NWD1: variants seen among roughly 807,000 people sequenced by gnomAD.
NWD1 encodes the protein NACHT and WD repeat domain containing 1, also known as NACHT domain- and WD repeat-containing protein 1.
A neutral mutation model predicts 135.1 loss-of-function variants in NWD1; 129 were observed. The ratio of observed to expected loss-of-function variants is 0.96; its 90% CI spans 0.83 to 1.11. The LOEUF is 1.11. Ranked by LOEUF, NWD1 falls within the 50% of genes least tolerant of loss-of-function variation. The pLI, the probability that NWD1 is intolerant of heterozygous loss-of-function variation, is 0.00. For synonymous variants in NWD1, 773 were observed against 786.0 expected (o/e 0.98, Z 0.28); for missense variants, 1,740 against 1,851.3 (o/e 0.94, Z 1.10).
intron 2 of NWD1, chr19:16,727,486 G>C (rs1247571943): frequency 6.6e-6 from 1 of 152,656 alleles, no homozygotes; most frequent in Admixed American, 6.6e-5. Flanking sequence ...AGGCTGCCTG[G>C]CTGCTGGCGT....
In NWD1 at chr19:16,791,945, C is replaced by T. The variant is rs149360296; in HGVS notation, c.3213+323C>T. 4.4e-3 allele frequency among the ~76,000 whole-genome samples: 669 copies of T among 152,244 alleles called. 4 individuals carry two copies. Among genetic ancestry groups the T allele is most frequent in the Middle Eastern group, 0.017 (5 of 294 alleles). ...GTCAGGCTGGTCTCAAACTCCCAAC[C>T]TCAGATGATCTGCCCACCTCGGCCT... On this transcript the variant is annotated intron_variant, in intron 14 of 18. Transcript: ENST00000524140.
intron 4 of NWD1, among the ~76,000 whole-genome samples, chr19:16,738,010 G>GAA (rs751600150): frequency 6.6e-6 from 1 of 151,618 alleles, no homozygotes; most frequent in Non-Finnish European, 1.5e-5. Flanking sequence ...GAAAAGAAAA[G>GAA]AAATTCTAGA....
intron 16 of NWD1, among the ~76,000 whole-genome samples, chr19:16,798,950 A>C (rs1460148318): frequency 6.6e-5 from 10 of 151,592 alleles, no homozygotes; most frequent in African/African-American, 2.2e-4. Context: ...AAAAAAAAAA[A>C]AACATTAAAA....
At position 16,726,081 on chromosome 19, in the gene NWD1, G is replaced by A. The variant is rs151112847; in HGVS notation, c.-7+1618G>A. On this transcript the variant is annotated intron_variant, in intron 2 of 18. Transcript: ENST00000524140. ...AGGTTCAAGTGATTCTCCTGCCTCA[G>A]CCTCCGGAGTAGCTAGGATTACAGG... is the stretch of plus-strand genomic sequence containing the variant. Among the ~76,000 whole-genome samples, 977 of 151,930 alleles carry A rather than the reference G, an allele frequency of 6.4e-3. 11 individuals are homozygous for A. The highest frequency in any genetic ancestry group is 0.022 in the African/African-American group (922 of 41,442).
chr19:16,791,657 A>G, intron 14 of NWD1, 35 bp downstream of exon 14: 4 of 1,600,804 alleles, frequency 2.5e-6, no homozygotes, highest in Non-Finnish European at 3.4e-6. Flanking sequence ...GTGAACATTA[A>G]CTCAGCTTGA....
At chr19:16,797,691 T>C (rs768579123) in intron 15 of NWD1, 41 bp from the exon 16 acceptor site, 3 of 1,590,076 alleles carry the variant, frequency 1.9e-6, no homozygotes, top group South Asian at 1.1e-5. Context: ...CTCAATCTCC[T>C]CTGGACATGA....
chr19:16,731,562 C>T (rs1967568671), intron 3 of NWD1, among the ~76,000 whole-genome samples: 1 of 150,654 alleles, frequency 6.6e-6, no homozygotes. Context: ...GCCTCGGCCT[C>T]CCAAAATGCT....
At chr19:16,769,612 A>G (rs1969345977) in intron 10 of NWD1, among the ~76,000 whole-genome samples, 1 of 151,950 alleles carries the variant, frequency 6.6e-6, no homozygotes, top group Admixed American at 6.6e-5. Flanking sequence ...CTCCATCCTT[A>G]CTGCCCCAGA....
chr19:16,800,753 A>AAG (rs1970580316), intron 17 of NWD1, among the ~76,000 whole-genome samples: 1 of 152,046 alleles, frequency 6.6e-6, no homozygotes, highest in Non-Finnish European at 1.5e-5. Context: ...CACTAATCCT[A>AAG]TTCAGGAACG....
intron 17 of NWD1, among the ~76,000 whole-genome samples, chr19:16,800,781 A>C (rs1970581098): frequency 6.6e-6 from 1 of 152,066 alleles, no homozygotes; most frequent in Admixed American, 6.6e-5. Flanking sequence ...TTCATGATCT[A>C]ATCACTTCCC....
rs545347859 is a variant in NWD1, at chr19:16,779,850, G to T, written c.2731+385G>T. The stretch of plus-strand genomic sequence containing the variant: ...GGGGTCTTGCTATGTTGCCCAGGCT[G>T]GTCTGAAACTCTTGGGCTCAAGTGA... On this transcript the variant is annotated intron_variant, in intron 12 of 18. Coordinates refer to ENST00000524140, the MANE Select transcript of NWD1 (RefSeq NM_001007525.5). 3.6e-3 allele frequency among the ~76,000 whole-genome samples: 544 copies of T among 152,134 alleles called. 2 individuals are homozygous for T. The highest frequency in any genetic ancestry group is 6.5e-3 in the Non-Finnish European group (440 of 67,990).
intron 15 of NWD1, 45 bp from the exon 16 acceptor site, chr19:16,797,687 C>A: frequency 6.4e-7 from 1 of 1,567,218 alleles, no homozygotes; most frequent in Non-Finnish European, 8.7e-7. Context: ...GACCCTCAAT[C>A]TCCTCTGGAC....
intron 18 of NWD1, among the ~76,000 whole-genome samples, chr19:16,813,242 G>T (rs530075747): frequency 2.0e-5 from 3 of 152,196 alleles, no homozygotes; most frequent in Admixed American, 6.6e-5. Flanking sequence ...CACTAGTAGT[G>T]GGGGGCTGGT....
At chr19:16,778,068 A>G (rs1344018143) in intron 11 of NWD1, among the ~76,000 whole-genome samples, 1 of 151,928 alleles carries the variant, frequency 6.6e-6, no homozygotes, top group Non-Finnish European at 1.5e-5. Context: ...AAAGAAAACA[A>G]ATCCCATCTC....
intron 11 of NWD1, among the ~76,000 whole-genome samples, chr19:16,773,555 G>A (rs187222026): frequency 2.0e-5 from 3 of 152,254 alleles, no homozygotes; most frequent in South Asian, 2.1e-4. Flanking sequence ...ATGCTAGGGG[G>A]TGCCTCCAAG....
rs751634711 is a variant in NWD1, at chr19:16,807,635, G to A, written c.3786G>A (p.Glu1262=). Residue 1262 remains glutamate (E), a synonymous_variant, in exon 18 of 19, where the codon GAG becomes GAA. Transcript: ENST00000524140. ...CCTCCAGTGAGATCAGGTGTCTGGA[G>A]GTTGCTGAGCAGCGCAAGCTCCTAT... The part of the protein sequence containing the change: ...LDTSSEIRCL[E]VAEQRKLLFT... The A allele has an allele frequency of 1.9e-6, 3 of 1,557,742 alleles. No individual in the cohort carries two copies. The highest frequency in any genetic ancestry group is 2.4e-5 in the South Asian group (2 of 82,558).
chr19:16,737,816 T>C (rs1458807593), intron 4 of NWD1, among the ~76,000 whole-genome samples: 1 of 151,374 alleles, frequency 6.6e-6, no homozygotes, highest in South Asian at 2.1e-4. Flanking sequence ...TACTAAAAAA[T>C]TAGCTGGGCA....
intron 12 of NWD1, among the ~76,000 whole-genome samples, chr19:16,781,657 CTTA>C (rs561551403): frequency 6.1e-4 from 92 of 151,786 alleles, no homozygotes; most frequent in African/African-American, 2.2e-3. Flanking sequence ...GACCTGAGAT[CTTA>C]TTACTATTGT....
chr19:16,794,222 C>T (rs1201977569), intron 14 of NWD1, among the ~76,000 whole-genome samples: 6 of 151,864 alleles, frequency 4.0e-5, no homozygotes, highest in East Asian at 1.9e-4. Flanking sequence ...AAAAATTAGC[C>T]GGGCATGGTG....
Sources: gnomAD v4.1 joint callset for allele counts (sites outside exome capture counted in the v4.1 genomes callset) on GRCh38, gnomAD v4.1.1 for gene constraint, MANE v1.5 for transcripts, NCBI Gene and HGNC (gene_info 2026-07-23, HGNC 2026-07-21) for gene names.